MINDY2: variants seen among roughly 807,000 people sequenced by gnomAD.
The protein encoded by MINDY2 is ubiquitin carboxyl-terminal hydrolase MINDY-2.
Under a neutral mutation model 68.2 loss-of-function variants are expected in MINDY2, and 52 were observed. The ratio of observed to expected loss-of-function variants is 0.76; its 90% confidence interval spans 0.61 to 0.96. The LOEUF is 0.96. Among genes scored for constraint, MINDY2 ranks in the 40% least tolerant of loss-of-function variants. MINDY2 has a pLI of 0.00. For missense variants in MINDY2, 881 were observed against 773.4 expected (o/e 1.14, Z -1.65); for synonymous variants, 372 against 303.0 (o/e 1.23, Z -2.36).
chr15:58,801,478 A>G (rs1462578862), intron 2 of MINDY2, among the ~76,000 whole-genome samples: 2 of 151,594 alleles, frequency 1.3e-5, no homozygotes, highest in African/African-American at 2.4e-5. Flanking sequence ...ATAATTTGAA[A>G]GATAATACGT....
intron 5 of MINDY2, among the ~76,000 whole-genome samples, chr15:58,827,541 G>A (rs568200119): frequency 1.3e-5 from 2 of 152,238 alleles, no homozygotes; most frequent in South Asian, 4.1e-4. Flanking sequence ...TCGGCTCACT[G>A]TAAGCTCCGC....
chr15:58,784,781 G>A (rs747327648), intron 1 of MINDY2, among the ~76,000 whole-genome samples: 1 of 151,632 alleles, frequency 6.6e-6, no homozygotes, highest in Non-Finnish European at 1.5e-5. Context: ...CACCACACCT[G>A]GCTAAGTTTT....
intron 6 of MINDY2, among the ~76,000 whole-genome samples, chr15:58,838,478 C>T (rs553090827): frequency 1.3e-5 from 2 of 151,356 alleles, no homozygotes; most frequent in African/African-American, 4.9e-5. Context: ...GTGGTGTTTA[C>T]AACTAGGGGC....
chr15:58,834,283 C>T (rs1027814822), intron 6 of MINDY2, among the ~76,000 whole-genome samples: 2 of 152,144 alleles, frequency 1.3e-5, no homozygotes, highest in African/African-American at 4.8e-5. Flanking sequence ...TGATCTCTCT[C>T]TCTTTTCCCC....
intron 8 of MINDY2, among the ~76,000 whole-genome samples, chr15:58,853,603 G>A (rs927898686): frequency 3.3e-5 from 5 of 151,730 alleles, no homozygotes; most frequent in South Asian, 2.1e-4. Flanking sequence ...GGTGGATCTC[G>A]AGGCCAGGAG....
chr15:58,811,445 C>T (rs999761570), intron 4 of MINDY2, among the ~76,000 whole-genome samples: 2 of 152,258 alleles, frequency 1.3e-5, no homozygotes, highest in South Asian at 2.1e-4. Flanking sequence ...AAGGTGTGGG[C>T]AAAGTTAAGG....
intron 6 of MINDY2, among the ~76,000 whole-genome samples, chr15:58,833,646 G>T (rs1179777922): frequency 6.6e-6 from 1 of 152,138 alleles, no homozygotes; most frequent in African/African-American, 2.4e-5. Flanking sequence ...TGCTGTTGAT[G>T]TGCATATACA....
chr15:58,841,568 GC>G (rs1278363277), intron 6 of MINDY2, among the ~76,000 whole-genome samples: 1 of 151,612 alleles, frequency 6.6e-6, no homozygotes, highest in Non-Finnish European at 1.5e-5. Flanking sequence ...ACCATGCTTG[GC>G]TAATTTTGTA....
intron 4 of MINDY2, 101 bp downstream of exon 4, chr15:58,810,489 G>T: frequency 1.7e-6 from 2 of 1,208,928 alleles, no homozygotes; most frequent in Non-Finnish European, 2.2e-6. Context: ...TACTTTTTTT[G>T]TACTTTTGCC....
intron 7 of MINDY2, 61 bp downstream of exon 7, chr15:58,847,531 C>T (rs2032597427): frequency 3.6e-6 from 5 of 1,394,824 alleles, no homozygotes; most frequent in Admixed American, 2.3e-5. Context: ...AATGTGAATT[C>T]ATGTATCCAA....
At chr15:58,774,097 G>T (rs1276966285) in intron 1 of MINDY2, among the ~76,000 whole-genome samples, 1 of 152,180 alleles carries the variant, frequency 6.6e-6, no homozygotes, top group Non-Finnish European at 1.5e-5. Flanking sequence ...AGTATTTGGG[G>T]ATAGATGCAT....
At chr15:58,844,543 G>C (rs2032433834) in intron 6 of MINDY2, among the ~76,000 whole-genome samples, 1 of 123,278 alleles carries the variant, frequency 8.1e-6, no homozygotes, top group Non-Finnish European at 1.6e-5. Flanking sequence ...CTGGGCGACA[G>C]AGCGAGACTC....
At chr15:58,773,197 G>A (rs1192990367) in intron 1 of MINDY2, among the ~76,000 whole-genome samples, 1 of 152,008 alleles carries the variant, frequency 6.6e-6, no homozygotes, top group African/African-American at 2.4e-5. Flanking sequence ...TACTCCGTAA[G>A]CTCAGCTACT....
In MINDY2 at chr15:58,821,226, C is replaced by T. The variant is rs182793033; in HGVS notation, c.1123-491C>T. 2.0e-3 allele frequency among the ~76,000 whole-genome samples: 304 copies of T among 151,312 alleles called. 3 individuals are homozygous for T. The highest frequency in any genetic ancestry group is 7.0e-3 in the African/African-American group (291 of 41,342). ...TATCTCTACTCATATCTCCACTATA[C>T]TTTTCTAGGAAATAAGTAATAAAAT... On this transcript the variant is annotated intron_variant, in intron 4 of 8. Transcript: ENST00000559228.
chr15:58,828,575 C>CTTTTTTTTTTTTTTTTTTTT (rs1163905877), intron 5 of MINDY2, among the ~76,000 whole-genome samples: 1 of 106,142 alleles, frequency 9.4e-6, no homozygotes. Context: ...TATTGAATTT[C>CTTTTTTTTTTTTTTTTTTTT]TTTTTTTTTT....
At chr15:58,812,802 G>A (rs570188387) in intron 4 of MINDY2, among the ~76,000 whole-genome samples, 1 of 152,326 alleles carries the variant, frequency 6.6e-6, no homozygotes, top group East Asian at 1.9e-4. Context: ...AAGCTGCAGT[G>A]AGCTGTGATC....
At chr15:58,798,775 A>G (rs186898203) in intron 2 of MINDY2, among the ~76,000 whole-genome samples, 1 of 152,278 alleles carries the variant, frequency 6.6e-6, no homozygotes, top group Admixed American at 6.5e-5. Flanking sequence ...ATATTCACTG[A>G]GCATGTATTG....
chr15:58,833,472 G>T (rs1201535328), intron 6 of MINDY2, among the ~76,000 whole-genome samples: 1 of 152,214 alleles, frequency 6.6e-6, no homozygotes, highest in Non-Finnish European at 1.5e-5. Context: ...CCAGCGTTCA[G>T]CATGCGGAGG....
chr15:58,775,461 A>G (rs1343507047), intron 1 of MINDY2, among the ~76,000 whole-genome samples: 3 of 152,222 alleles, frequency 2.0e-5, no homozygotes, highest in Admixed American at 6.5e-5. Flanking sequence ...AAATTGCTAG[A>G]TAAAGAAATG....
Sources: allele counts gnomAD v4.1 joint callset (sites outside exome capture counted in the v4.1 genomes callset), GRCh38; gene constraint gnomAD v4.1.1; transcripts MANE v1.5; gene names NCBI Gene and HGNC (gene_info 2026-07-23, HGNC 2026-07-21).